FADS6: variants seen among roughly 807,000 people sequenced by gnomAD.
FADS6 encodes the protein fatty acid desaturase 6.
Under a neutral mutation model 31.7 loss-of-function variants are expected in FADS6, and 28 were observed. The ratio of observed to expected loss-of-function variants is 0.88; its 90% confidence interval spans 0.66 to 1.21. The LOEUF is 1.21. FADS6 is among the 50% of genes most tolerant of loss of function. The pLI, the probability that FADS6 is intolerant of heterozygous loss-of-function variation, is 0.00. For synonymous variants in FADS6, 191 were observed against 213.1 expected, an observed-to-expected ratio of 0.90 and a Z score of 0.90; for missense variants, 494 against 504.2, an observed-to-expected ratio of 0.98 and a Z score of 0.19.
At chr17:74,892,997 C>G (rs935979086) in intron 1 of FADS6, among the ~76,000 whole-genome samples, 3 of 152,140 alleles carry the variant, frequency 2.0e-5, no homozygotes, top group African/African-American at 7.2e-5. Context: ...AAACTCCCAC[C>G]CCCTCCCCAC....
intron 2 of FADS6, among the ~76,000 whole-genome samples, chr17:74,891,497 G>A (rs921573257): frequency 2.0e-5 from 3 of 152,050 alleles, no homozygotes; most frequent in African/African-American, 7.2e-5. Context: ...AGCCTGGCCC[G>A]TGTCTTAGAG....
At chr17:74,879,317 T>G (rs75333280) in intron 5 of FADS6, 87 bp downstream of exon 5, 32,553 of 1,505,714 alleles carry the variant, frequency 0.022, 444 homozygotes, top group Non-Finnish European at 0.026. Flanking sequence ...GATTATAGTG[T>G]GAGCAACGCC....
At position 74,881,120 on chromosome 17, in the gene FADS6, A is replaced by T. The variant is rs114917575; in HGVS notation, c.728T>A (p.Phe243Tyr). Residue 243 changes from phenylalanine to tyrosine, a missense_variant, in exon 4 of 6, where the codon TTC becomes TAC. Phe to Tyr is a conservative substitution (Grantham distance 22, BLOSUM62 3). Transcript: ENST00000612771. ...KNPSSALGCM[F>Y]LTRSLLAHPY... The stretch of plus-strand genomic sequence containing the variant: ...GTGGGCCAACAGGGATCTGGTGAGG[A>T]ACATGCAGCCCAGGGCTGAGCTGGG... The T allele has an allele frequency of 2.8e-4, 450 of 1,613,778 alleles. 5 individuals are homozygous for T. In the African/African-American group the frequency reaches 5.5e-3, roughly 20 times the overall value.
chr17:74,891,626 GA>G (rs2038689948), intron 2 of FADS6, among the ~76,000 whole-genome samples: 1 of 152,176 alleles, frequency 6.6e-6, no homozygotes, highest in South Asian at 2.1e-4. Flanking sequence ...GTGCTGGTGA[GA>G]GGGGCAGGGG....
chr17:74,879,184 G>A (rs913623191), intron 5 of FADS6: 2 of 542,616 alleles, frequency 3.7e-6, no homozygotes, highest in Non-Finnish European at 6.4e-6. Context: ...CCACAAGCAT[G>A]TGCCACCACA....
chr17:74,888,863 G>A (rs1284174876), intron 2 of FADS6, among the ~76,000 whole-genome samples: 3 of 152,140 alleles, frequency 2.0e-5, no homozygotes, highest in Non-Finnish European at 2.9e-5. Context: ...CAACCTTCCC[G>A]TGGCCATCTG....
At chr17:74,884,456 C>T (rs181040347) in intron 2 of FADS6, among the ~76,000 whole-genome samples, 2 of 152,324 alleles carry the variant, frequency 1.3e-5, no homozygotes, top group East Asian at 3.9e-4. Flanking sequence ...TGTGTTAGGC[C>T]ATTCTTGCAT....
chr17:74,893,285 G>A (rs1334685792), intron 1 of FADS6, 67 bp downstream of exon 1: 3 of 1,435,548 alleles, frequency 2.1e-6, no homozygotes, highest in East Asian at 2.8e-5. Context: ...ACCCCGCGCC[G>A]CCACCTCCGC....
chr17:74,887,221 C>G (rs149479356), intron 2 of FADS6, among the ~76,000 whole-genome samples: 55 of 152,164 alleles, frequency 3.6e-4, no homozygotes, highest in African/African-American at 1.3e-3. Flanking sequence ...GTAGCTTGGA[C>G]TACAGGTGCA....
At chr17:74,879,615 C>G (rs903514214) in intron 4 of FADS6, 32 bp from the exon 5 acceptor site, 4 of 1,590,138 alleles carry the variant, frequency 2.5e-6, no homozygotes, top group Non-Finnish European at 3.4e-6. Flanking sequence ...CGCCGGGCAG[C>G]CTGGACCTCC....
In FADS6 at chr17:74,877,677, T is replaced by C. The variant is rs1329317014; in HGVS notation, c.*654A>G. 1.0e-6 allele frequency: 1 copy of C among 984,030 alleles called. No individual in the cohort carries two copies. The highest frequency in any genetic ancestry group is 1.2e-6 in the Non-Finnish European group (1 of 828,746). The allele number at this position is 984,030 out of a possible 1,614,324, so 61.0% of individuals were successfully genotyped here. A position where few individuals can be genotyped will look rare whatever the true frequency, so the allele number is the denominator to read the frequency against. On this transcript the variant is annotated 3_prime_UTR_variant, in exon 6 of 6. Coordinates refer to ENST00000612771, the MANE Select transcript of FADS6 (RefSeq NM_178128.6). ...CTAACTCTGTCCCTGGGGAACCTTCTCCCCTCACTTCCCCTGGAGTTCCCT... is the reference window on the plus strand; with the variant it reads ...CTAACTCTGTCCCTGGGGAACCTTCCCCCCTCACTTCCCCTGGAGTTCCCT...
At chr17:74,888,154 A>ACACGCGCGCGCGCG (rs1245891792) in intron 2 of FADS6, among the ~76,000 whole-genome samples, 1 of 134,740 alleles carries the variant, frequency 7.4e-6, no homozygotes, top group South Asian at 2.7e-4. Flanking sequence ...ACACACACAC[A>ACACGCGCGCGCGCG]CGCGCGCGCG....
downstream of FADS6, among the ~76,000 whole-genome samples, chr17:74,876,487 A>T (rs769178075): frequency 5.9e-5 from 9 of 152,112 alleles, no homozygotes; most frequent in Admixed American, 1.3e-4. Flanking sequence ...CCAACAACAC[A>T]GAATTGGCCA....
chr17:74,892,647 G>T lies in FADS6; in HGVS notation c.287C>A (p.Ser96Tyr). Reference sequence around the variant, plus strand: ...GCACACACCCAAGATGGTGATGCCGGATGCAAAGACCAGGGCATTCTCCCA... The same window carrying T: ...GCACACACCCAAGATGGTGATGCCGTATGCAAAGACCAGGGCATTCTCCCA... Reference protein sequence around the residue: ...LRWENALVFASGITILGVCHY... With the variant: ...LRWENALVFAYGITILGVCHY... The change falls in exon 2 of 6, where the codon TCC (serine) becomes TAC (tyrosine). Residue 96 changes from serine to tyrosine, a missense_variant. Ser to Tyr is a moderately radical substitution (Grantham distance 144). Transcript: ENST00000612771. The T allele has an allele frequency of 6.2e-7, 1 of 1,613,298 alleles. No homozygotes were observed. The highest frequency in any genetic ancestry group is 1.1e-5 in the South Asian group (1 of 90,962).
chr17:74,881,093 G>A lies in FADS6; in HGVS notation c.755C>T (p.Pro252Leu). 3.1e-6 allele frequency: 5 copies of A among 1,613,570 alleles called. No individual in the cohort carries two copies. The highest frequency in any genetic ancestry group is 4.2e-6 in the Non-Finnish European group (5 of 1,179,752). The change falls in exon 4 of 6, where the codon CCC becomes CTC. Residue 252 changes from proline (P) to leucine (L), a missense_variant. Pro to Leu is a moderately conservative substitution (Grantham distance 98, BLOSUM62 -3). Coordinates refer to ENST00000612771, the MANE Select transcript of FADS6 (RefSeq NM_178128.6). ...MFLTRSLLAH[P>L]YLHVNIFQHI... ...CTGGAAGATGTTGACGTGGAGGTAG[G>A]GGTGGGCCAACAGGGATCTGGTGAG...
chr17:74,889,976 G>A (rs893921439), intron 2 of FADS6, among the ~76,000 whole-genome samples: 3 of 151,994 alleles, frequency 2.0e-5, no homozygotes, highest in African/African-American at 7.3e-5. Context: ...TCATACTGGT[G>A]GAGGGTGTCA....
Position 74,882,690 on chromosome 17 carries a change from T to C in FADS6, c.432A>G (p.Ala144=). ...TGACGTGCCCATGCGTGGCGTGCTC[T>C]GCAGTGAAGGCTGTGCACACCTAGA... is the stretch of plus-strand genomic sequence containing the variant. The part of the protein sequence containing the change: ...FFVEVCTAFT[A]EHATHGHVKM... The change falls in exon 3 of 6, where the codon GCA becomes GCG. Residue 144 remains alanine, a synonymous_variant. Transcript: ENST00000612771. 6.2e-7 allele frequency: 1 copy of C among 1,610,568 alleles called. No individual in the cohort carries two copies. The highest frequency in any genetic ancestry group is 1.7e-4 in the Middle Eastern group (1 of 6,058).
At chr17:74,883,533 C>A (rs905861328) in intron 2 of FADS6, among the ~76,000 whole-genome samples, 1 of 152,200 alleles carries the variant, frequency 6.6e-6, no homozygotes, top group Non-Finnish European at 1.5e-5. Flanking sequence ...GCGGAACACC[C>A]CCGCAGAGGG....
chr17:74,885,298 A>G (rs4789107), intron 2 of FADS6, among the ~76,000 whole-genome samples: 98,667 of 145,380 alleles, frequency 0.68, 32,667 homozygotes, highest in South Asian at 0.75. Flanking sequence ...TTTTAAGAAA[A>G]CCACAAAAAA....
Sources: gnomAD v4.1 joint callset for allele counts (sites outside exome capture counted in the v4.1 genomes callset) on GRCh38, gnomAD v4.1.1 for gene constraint, MANE v1.5 for transcripts, NCBI Gene and HGNC (gene_info 2026-07-23, HGNC 2026-07-21) for gene names.